Variants in NPAS2 observed in about 807,000 individuals in gnomAD.
The protein encoded by NPAS2 is neuronal PAS domain protein 2, also known as neuronal PAS domain-containing protein 2.
NPAS2 carries 23 observed loss-of-function variants against 107.5 expected under a neutral mutation model. The ratio of observed to expected loss-of-function variants is 0.21; its 90% confidence interval spans 0.15 to 0.30. NPAS2 has a LOEUF of 0.30. Ranked by LOEUF, NPAS2 falls within the 10% of genes least tolerant of loss-of-function variation. The pLI is 1.00. For synonymous variants in NPAS2, 403 were observed against 417.5 expected (o/e 0.97, Z 0.42); for missense variants, 756 against 1,043.3 (o/e 0.72, Z 3.79).
In NPAS2 at chr2:100,995,395, T is replaced by C. The variant is rs1678392171; in HGVS notation, c.2293-5T>C. 1 of 1,607,814 alleles carries C rather than the reference T, an allele frequency of 6.2e-7. No individual in the cohort carries two copies. The highest frequency in any genetic ancestry group is 8.5e-7 in the Non-Finnish European group (1 of 1,176,560). On this transcript the variant is annotated splice_polypyrimidine_tract_variant and splice_region_variant and intron_variant, in intron 20 of 20. Coordinates refer to ENST00000335681, the MANE Select transcript of NPAS2 (RefSeq NM_002518.4). ...CTCTGAAGCCCTTTGTTCTTTTTTT[T>C]CTAGGTACAGGCACCAACCTCTTTG...
At position 100,879,700 on chromosome 2, in the gene NPAS2, A is replaced by C. The variant is rs114021784; in HGVS notation, c.-22-25033A>C. 4.7e-3 allele frequency among the ~76,000 whole-genome samples: 715 copies of C among 152,310 alleles called. 2 individuals are homozygous for C. The highest frequency in any genetic ancestry group is 0.016 in the African/African-American group (671 of 41,566). On this transcript the variant is annotated intron_variant, in intron 1 of 20. Transcript: ENST00000335681. ...GATTCCCTTTTTAGAGACAGTGCTC[A>C]CTGTGGCCAGGCCTTTCTTAATATC...
At position 100,878,436 on chromosome 2, in the gene NPAS2, G is replaced by T. The variant is rs966239364; in HGVS notation, c.-22-26297G>T. On this transcript the variant is annotated intron_variant, in intron 1 of 20. Coordinates refer to ENST00000335681, the MANE Select transcript of NPAS2 (RefSeq NM_002518.4). Reference sequence around the variant, plus strand: ...TTTCCAGCGTTGGACAAGGACATGAGAAAGACCCACAGCAACAAGCTGGAG... The same window carrying T: ...TTTCCAGCGTTGGACAAGGACATGATAAAGACCCACAGCAACAAGCTGGAG... 4 of 985,290 alleles carry T rather than the reference G, an allele frequency of 4.1e-6. No homozygotes were observed. In the African/African-American group the frequency reaches 7.0e-5, roughly 17 times the overall value. The allele number at this position is 985,290 out of a possible 1,614,324, so 61.0% of individuals were successfully genotyped here. A position where few individuals can be genotyped will look rare whatever the true frequency, so the allele number is the denominator to read the frequency against.
At chr2:100,938,678 G>A (rs1374465140) in intron 5 of NPAS2, among the ~76,000 whole-genome samples, 1 of 127,050 alleles carries the variant, frequency 7.9e-6, no homozygotes, top group African/African-American at 3.0e-5. Context: ...CTGGCTGGTG[G>A]AGGACCCACC....
At chr2:100,852,329 A>G (rs146761535) in intron 1 of NPAS2, among the ~76,000 whole-genome samples, 3,951 of 152,150 alleles carry the variant, frequency 0.026, 171 homozygotes, top group African/African-American at 0.085. Context: ...CCCGGGAGGC[A>G]GAGCTTGCAG....
At chr2:100,865,967 C>G (rs1431721391) in intron 1 of NPAS2, among the ~76,000 whole-genome samples, 1 of 152,198 alleles carries the variant, frequency 6.6e-6, no homozygotes, top group African/African-American at 2.4e-5. Context: ...ATTTTGACGC[C>G]AGCCTGGACC....
At chr2:100,857,505 A>G (rs1678654181) in intron 1 of NPAS2, among the ~76,000 whole-genome samples, 1 of 152,232 alleles carries the variant, frequency 6.6e-6, no homozygotes, top group South Asian at 2.1e-4. Flanking sequence ...AGATGTGGCC[A>G]TGGGGCTTCC....
At chr2:100,981,077 T>C (rs1677407889) in intron 15 of NPAS2, among the ~76,000 whole-genome samples, 1 of 152,140 alleles carries the variant, frequency 6.6e-6, no homozygotes. Context: ...CTATTCTTAC[T>C]CTTACTGGTT....
intron 10 of NPAS2, among the ~76,000 whole-genome samples, chr2:100,967,974 A>G (rs186352556): frequency 1.1e-3 from 165 of 152,342 alleles, no homozygotes; most frequent in African/African-American, 3.8e-3. Flanking sequence ...GATGAGCACC[A>G]GGCAAACCTG....
chr2:100,943,420 C>T (rs1046517300), intron 5 of NPAS2, among the ~76,000 whole-genome samples: 3 of 152,164 alleles, frequency 2.0e-5, no homozygotes, highest in Admixed American at 6.5e-5. Flanking sequence ...GCTTTCTTTC[C>T]GCGATCTGGA....
chr2:100,974,189 G>T (rs1676801325), intron 12 of NPAS2, among the ~76,000 whole-genome samples: 1 of 152,212 alleles, frequency 6.6e-6, no homozygotes, highest in Non-Finnish European at 1.5e-5. Context: ...AAGCCACAGA[G>T]GATGGAAAAA....
intron 2 of NPAS2, among the ~76,000 whole-genome samples, chr2:100,917,662 A>T (rs141491370): frequency 1.3e-3 from 204 of 152,356 alleles, no homozygotes; most frequent in African/African-American, 4.8e-3. Flanking sequence ...AAGGGCCATA[A>T]GGAAATACTA....
chr2:100,950,029 A>G (rs187859658), intron 7 of NPAS2, among the ~76,000 whole-genome samples: 202 of 152,380 alleles, frequency 1.3e-3, no homozygotes, highest in Non-Finnish European at 2.3e-3. Flanking sequence ...TTCTGAAAGT[A>G]CCCGGTTACC....
chr2:100,834,715 G>A (rs934802844), intron 1 of NPAS2, among the ~76,000 whole-genome samples: 1 of 150,710 alleles, frequency 6.6e-6, no homozygotes, highest in Non-Finnish European at 1.5e-5. Context: ...TTTTTGAGAT[G>A]GAGTCTCACT....
intron 1 of NPAS2, among the ~76,000 whole-genome samples, chr2:100,891,520 A>G (rs1681069073): frequency 6.6e-6 from 1 of 152,144 alleles, no homozygotes; most frequent in Admixed American, 6.5e-5. Flanking sequence ...GTCCCAACAG[A>G]TTCTCCTATC....
intron 2 of NPAS2, among the ~76,000 whole-genome samples, chr2:100,919,866 T>A (rs571938797): frequency 1.3e-5 from 2 of 152,202 alleles, no homozygotes; most frequent in East Asian, 3.9e-4. Flanking sequence ...CCCTCCTTGG[T>A]GAGCACCCTT....
rs1026598372 is a variant in NPAS2, at chr2:100,852,322, G to A, written c.-23+31908G>A. Among the ~76,000 whole-genome samples, 5 of 152,224 alleles carry A rather than the reference G, an allele frequency of 3.3e-5. No homozygotes were observed. In the East Asian group the frequency reaches 5.8e-4, roughly 18 times the overall value. On this transcript the variant is annotated intron_variant, in intron 1 of 20. Coordinates refer to ENST00000335681, the MANE Select transcript of NPAS2 (RefSeq NM_002518.4). ...TGAGGCAGGAGAATGGCGTGAACCC[G>A]GGAGGCAGAGCTTGCAGTGAGCTGA... is the stretch of plus-strand genomic sequence containing the variant.
Position 100,954,681 on chromosome 2 carries a change from GAAAA to G in NPAS2, c.598+5206_598+5209del, listed in dbSNP as rs371832114. Among the ~76,000 whole-genome samples the G allele has an allele frequency of 4.2e-5, 4 of 94,568 alleles. 1 individual carries two copies. In the South Asian group the frequency reaches 7.7e-4, roughly 18 times the overall value. The allele number at this position is 94,568 out of a possible 152,430, so 62.0% of individuals were successfully genotyped here. On this transcript the variant is annotated intron_variant, in intron 7 of 20. Transcript: ENST00000335681. ...CTGTGTCTCAAAAAAAAAAAAAAAA[GAAAA>G]AAAAGAAAAGAAAAAAGAAACTAGA...
chr2:100,820,069 A>T (rs10168288), upstream of NPAS2: 47,128 of 142,838 alleles, frequency 0.33, 10,059 homozygotes, highest in African/African-American at 0.61. The surrounding 1 kb of genome is among the most constrained non-coding windows in gnomAD (Gnocchi z 5.6). Context: ...GGGGAGGTGG[A>T]GAGGGAGGAG....
intron 7 of NPAS2, among the ~76,000 whole-genome samples, chr2:100,953,415 C>A (rs1675366578): frequency 6.7e-6 from 1 of 150,002 alleles, no homozygotes; most frequent in Non-Finnish European, 1.5e-5. Context: ...TATAAAATTG[C>A]CAACATTTAA....
Sources: gnomAD v4.1 joint callset for allele counts (sites outside exome capture counted in the v4.1 genomes callset) on GRCh38, gnomAD v4.1.1 for gene constraint, Gnocchi (gnomAD v3.1) non-coding constraint, MANE v1.5 for transcripts, NCBI Gene and HGNC (gene_info 2026-07-23, HGNC 2026-07-21) for gene names.